The following UBE2D3 variants were observed in gnomAD, a reference collection of about 807,000 sequenced individuals.
UBE2D3 encodes the protein ubiquitin-conjugating enzyme E2 D3.
UBE2D3 carries 2 observed loss-of-function variants against 22.8 expected under a neutral mutation model. That is an observed-to-expected ratio of 0.09 (90% CI 0.04 to 0.28). The LOEUF (loss-of-function observed/expected upper bound fraction) is 0.28, where lower values mean the gene tolerates loss of function less well. Ranked by LOEUF, UBE2D3 falls within the 10% of genes least tolerant of loss-of-function variation. The pLI is 1.00. For synonymous variants in UBE2D3, 56 were observed against 60.4 expected (o/e 0.93, Z 0.34); for missense variants, 27 against 182.5 (o/e 0.15, Z 4.91).
At chr4:102,851,936 C>T (rs578247693) in intron 1 of UBE2D3, among the ~76,000 whole-genome samples, 3 of 152,236 alleles carry the variant, frequency 2.0e-5, no homozygotes, top group African/African-American at 7.2e-5. Context: ...TCCCAAAGTG[C>T]TGGGATTACA....
intron 1 of UBE2D3, among the ~76,000 whole-genome samples, chr4:102,864,626 A>C (rs990919601): frequency 6.6e-6 from 1 of 152,236 alleles, no homozygotes; most frequent in Non-Finnish European, 1.5e-5. Flanking sequence ...AAGAGAAGAA[A>C]ACTGAGGCCC....
chr4:102,859,172 G>A (rs975558115), intron 1 of UBE2D3, among the ~76,000 whole-genome samples: 2 of 151,888 alleles, frequency 1.3e-5, no homozygotes, highest in Non-Finnish European at 2.9e-5. Flanking sequence ...TGACAGCTTT[G>A]TGGGTAAATT....
chr4:102,804,673 A>G (rs1726750732), intron 4 of UBE2D3, among the ~76,000 whole-genome samples: 2 of 152,026 alleles, frequency 1.3e-5, no homozygotes, highest in Admixed American at 6.5e-5. Context: ...CAAACACTAA[A>G]GTTGTTTTTG....
chr4:102,818,098 A>C (rs1164943194), intron 2 of UBE2D3, among the ~76,000 whole-genome samples: 5 of 152,204 alleles, frequency 3.3e-5, no homozygotes, highest in Non-Finnish European at 1.5e-5. Flanking sequence ...TAAGGGGAAC[A>C]GCATTACTCA....
chr4:102,827,529 A>C lies in UBE2D3; in HGVS notation c.-231T>G. On this transcript the variant is annotated 5_prime_UTR_variant, in exon 1 of 8. Transcript: ENST00000453744. ...GGGCTCACGCGCACGACACAGCCAC[A>C]AGATGTCCGCTCTGACGGAACTACT... The C allele has an allele frequency of 2.0e-6, 2 of 985,962 alleles. No homozygotes were observed. Among genetic ancestry groups the C allele is most frequent in the Non-Finnish European group, 2.4e-6 (2 of 830,096 alleles). 61.1% of individuals were successfully genotyped at this position (985,962 alleles called of 1,614,324 possible). A position where few individuals can be genotyped will look rare whatever the true frequency, so the allele number is the denominator to read the frequency against.
chr4:102,814,920 TAA>T (rs1246865491), intron 2 of UBE2D3, among the ~76,000 whole-genome samples: 3 of 152,134 alleles, frequency 2.0e-5, no homozygotes, highest in Non-Finnish European at 2.9e-5. Context: ...AATACTGAAA[TAA>T]GAGTTTAAAA....
Position 102,826,775 on chromosome 4 carries a change from T to C in UBE2D3, c.-128-139A>G. ...CACCAACAGCCTCTGTACCGTGCTT[T>C]CGGCCCGAAGTGGGGGCGAGGGTGA... is the stretch of plus-strand genomic sequence containing the variant. On this transcript the variant is annotated intron_variant, in intron 1 of 7. Transcript: ENST00000453744. 6 of 1,282,430 alleles carry C rather than the reference T, an allele frequency of 4.7e-6. No individual in the cohort carries two copies. The South Asian group carries it at 1.1e-4, about 24-fold the overall frequency. 79.4% of individuals were successfully genotyped at this position (1,282,430 alleles called of 1,614,324 possible). A position where few individuals can be genotyped will look rare whatever the true frequency, so the allele number is the denominator to read the frequency against.
At chr4:102,826,382 G>C (rs1245713115) in intron 2 of UBE2D3, 103 bp downstream of exon 2, 1 of 1,398,570 alleles carries the variant, frequency 7.2e-7, no homozygotes, top group Non-Finnish European at 1.0e-6. Context: ...AGTGATCCAA[G>C]AGGTATTTTC....
intron 1 of UBE2D3, among the ~76,000 whole-genome samples, chr4:102,837,558 C>T (rs1327532886): frequency 1.3e-5 from 2 of 152,188 alleles, no homozygotes; most frequent in Non-Finnish European, 2.9e-5. Flanking sequence ...TGCAATGGCT[C>T]ATGCCTGTAA....
chr4:102,812,812 T>G (rs1728234765), intron 2 of UBE2D3: 1 of 152,222 alleles, frequency 6.6e-6, no homozygotes, highest in Admixed American at 6.5e-5. Context: ...ATTGAGACTT[T>G]GTCCCATTTA....
upstream of UBE2D3, among the ~76,000 whole-genome samples, chr4:102,831,360 C>T (rs186514752): frequency 1.5e-3 from 222 of 152,262 alleles, 2 homozygotes; most frequent in African/African-American, 5.2e-3. Context: ...GCTAAGATGT[C>T]ATTTTGGCCT....
intron 1 of UBE2D3, among the ~76,000 whole-genome samples, chr4:102,850,045 T>C (rs748159699): frequency 1.3e-5 from 2 of 152,108 alleles, no homozygotes; most frequent in Non-Finnish European, 2.9e-5. Flanking sequence ...CACTGAAATA[T>C]CAACAATAAA....
chr4:102,815,693 T>C (rs754063091), intron 2 of UBE2D3, among the ~76,000 whole-genome samples: 4 of 152,232 alleles, frequency 2.6e-5, no homozygotes, highest in Admixed American at 6.5e-5. Flanking sequence ...TTTCAGGTTC[T>C]TGTTACTCTC....
chr4:102,799,585 T>C, intron 6 of UBE2D3, 85 bp from the exon 7 acceptor site: 1 of 936,764 alleles, frequency 1.1e-6, no homozygotes, highest in Non-Finnish European at 1.6e-6. Context: ...CAAAACTCAA[T>C]CCTCAAAAGA....
intron 4 of UBE2D3, among the ~76,000 whole-genome samples, chr4:102,805,552 TCTCGGCTCACTGCAAC>T (rs1434846882): frequency 1.3e-5 from 2 of 150,892 alleles, no homozygotes; most frequent in Non-Finnish European, 3.0e-5. Flanking sequence ...AGTGGTGTGA[TCTCGGCTCACTGCAAC>T]CTCCACCTCC....
chr4:102,810,991 C>T (rs909959360), intron 2 of UBE2D3: 1 of 152,186 alleles, frequency 6.6e-6, no homozygotes, highest in African/African-American at 2.4e-5. Flanking sequence ...ACTATATCTT[C>T]TATATCCCCT....
upstream of UBE2D3, among the ~76,000 whole-genome samples, chr4:102,828,868 G>A (rs1310578710): frequency 1.3e-5 from 2 of 152,138 alleles, no homozygotes; most frequent in South Asian, 2.1e-4. Context: ...TTTTTATGAG[G>A]AATTTAAAAG....
In UBE2D3 at chr4:102,797,126, T is replaced by C. The variant is rs748404192; in HGVS notation, c.*289A>G. 6.5e-5 allele frequency: 18 copies of C among 275,306 alleles called. No homozygotes were observed. Among genetic ancestry groups the C allele is most frequent in the Admixed American group, 2.9e-4 (6 of 20,704 alleles). The allele number at this position is 275,306 out of a possible 1,614,324, so 17.1% of individuals were successfully genotyped here. On this transcript the variant is annotated 3_prime_UTR_variant, in exon 8 of 8. Transcript: ENST00000453744. ...TCATAACCAAGTTAGAGTGAAGACA[T>C]TGGCCACATAATACACATGCTCCAT...
chr4:102,796,590 T>C lies in UBE2D3; in HGVS notation c.*825A>G, dbSNP rs370229395. 6.6e-6 allele frequency: 1 copy of C among 152,466 alleles called. No individual in the cohort carries two copies. Among genetic ancestry groups the C allele is most frequent in the Non-Finnish European group, 1.5e-5 (1 of 67,914 alleles). The allele number at this position is 152,466 out of a possible 1,614,324, so 9.4% of individuals were successfully genotyped here. On this transcript the variant is annotated 3_prime_UTR_variant, in exon 8 of 8. Transcript: ENST00000453744. Reference sequence around the variant, plus strand: ...CTGATTAATCCAGGCAGCTAACTCATTGGTTTATGCAACTTTATTGAAGAA... The same window carrying C: ...CTGATTAATCCAGGCAGCTAACTCACTGGTTTATGCAACTTTATTGAAGAA...
Sources: allele counts gnomAD v4.1 joint callset (sites outside exome capture counted in the v4.1 genomes callset), GRCh38; gene constraint gnomAD v4.1.1; transcripts MANE v1.5; gene names NCBI Gene and HGNC (gene_info 2026-07-23, HGNC 2026-07-21).